MCPH1: variants seen among roughly 807,000 people sequenced by gnomAD.
MCPH1 encodes the protein microcephalin.
MCPH1 carries 104 observed loss-of-function variants against 84.5 expected under a neutral mutation model. The observed-to-expected ratio is 1.23, with a 90% CI of 1.05 to 1.45. The LOEUF (loss-of-function observed/expected upper bound fraction) is 1.45. Among genes scored for constraint, MCPH1 ranks in the 40% most tolerant of loss-of-function variants. The pLI is 0.00. For synonymous variants in MCPH1, 514 were observed against 366.8 expected, an observed-to-expected ratio of 1.40 and a Z score of -4.58; for missense variants, 1,498 against 1,005.7, an observed-to-expected ratio of 1.49 and a Z score of -6.62.
chr8:6,570,099 T>A (rs1159369116), intron 12 of MCPH1, among the ~76,000 whole-genome samples: 1 of 152,262 alleles, frequency 6.6e-6, no homozygotes, highest in Non-Finnish European at 1.5e-5. Context: ...CTACATACCC[T>A]TTCATTGTTT....
intron 12 of MCPH1, chr8:6,616,542 A>C (rs1454170039): frequency 6.6e-6 from 1 of 152,276 alleles, no homozygotes; most frequent in Non-Finnish European, 1.5e-5. Context: ...GGTTTAAGGC[A>C]AAGCTAATGT....
intron 12 of MCPH1, among the ~76,000 whole-genome samples, chr8:6,549,698 C>A (rs1041805767): frequency 1.3e-5 from 2 of 150,232 alleles, no homozygotes; most frequent in African/African-American, 4.9e-5. Flanking sequence ...TCGAGCTGGG[C>A]GGTCATTACA....
intron 1 of MCPH1, among the ~76,000 whole-genome samples, chr8:6,407,861 C>G (rs548689131): frequency 2.0e-4 from 31 of 152,194 alleles, no homozygotes; most frequent in African/African-American, 7.2e-4. Flanking sequence ...CTAAGAATGT[C>G]TTTTACATTT....
intron 12 of MCPH1, among the ~76,000 whole-genome samples, chr8:6,605,688 A>G (rs894618586): frequency 6.9e-6 from 1 of 144,850 alleles, no homozygotes; most frequent in Non-Finnish European, 1.5e-5. Flanking sequence ...TGAATCACAG[A>G]CATTATTTTT....
At chr8:6,482,387 C>A (rs1360833253) in intron 11 of MCPH1, among the ~76,000 whole-genome samples, 1 of 152,188 alleles carries the variant, frequency 6.6e-6, no homozygotes, top group Admixed American at 6.5e-5. Context: ...TTTTAGGCAT[C>A]CCCCAGGGGG....
intron 3 of MCPH1, among the ~76,000 whole-genome samples, chr8:6,416,409 C>T (rs1200331034): frequency 6.6e-6 from 1 of 152,128 alleles, no homozygotes; most frequent in Admixed American, 6.5e-5. Context: ...GAAAAGCTTT[C>T]AGTATTTCAT....
intron 13 of MCPH1, among the ~76,000 whole-genome samples, chr8:6,634,388 T>C (rs1044514665): frequency 1.1e-4 from 17 of 152,324 alleles, no homozygotes; most frequent in African/African-American, 3.1e-4. Flanking sequence ...CAAGTCTGTA[T>C]TGCTGATGAG....
intron 13 of MCPH1, among the ~76,000 whole-genome samples, chr8:6,642,406 C>A (rs1284407731): frequency 6.6e-6 from 1 of 152,126 alleles, no homozygotes; most frequent in East Asian, 1.9e-4. Context: ...CCAGGCGCAA[C>A]TTGTGATTTT....
chr8:6,456,621 C>A (rs544163489), intron 9 of MCPH1, among the ~76,000 whole-genome samples: 1 of 151,574 alleles, frequency 6.6e-6, no homozygotes, highest in African/African-American at 2.4e-5. Context: ...TGGTACCTCT[C>A]ATCTCTATTG....
chr8:6,583,129 C>A (rs998845888), intron 12 of MCPH1, among the ~76,000 whole-genome samples: 3 of 152,104 alleles, frequency 2.0e-5, no homozygotes, highest in Admixed American at 2.0e-4. Flanking sequence ...CAGCACAGTG[C>A]CTCGCTGAAT....
At position 6,621,562 on chromosome 8, in the gene MCPH1, C is replaced by T. The variant is rs747607937; in HGVS notation, c.2323C>T (p.Leu775Phe). 2 of 1,614,234 alleles carry T rather than the reference C, an allele frequency of 1.2e-6. No homozygotes were observed. The highest frequency in any genetic ancestry group is 1.1e-5 in the South Asian group (1 of 91,088). The change falls in exon 13 of 14, where the codon CTC becomes TTC. Residue 775 changes from leucine to phenylalanine, a missense_variant. Transcript: ENST00000344683. ...TGCCAGCAGCCCCCCAGTGGCCAAG[C>T]TCTGTGAACTAGTCCACCTGTGCGG... The part of the protein sequence containing the change: ...SPASSPPVAK[L>F]CELVHLCGGR...
intron 12 of MCPH1, chr8:6,502,893 T>C (rs1409756297): frequency 9.0e-6 from 5 of 555,154 alleles, no homozygotes; most frequent in African/African-American, 1.9e-5. Flanking sequence ...CAATTATGGA[T>C]GTTTAGGGTC....
intron 13 of MCPH1, chr8:6,642,658 A>C (rs1390472928): frequency 1.2e-5 from 5 of 413,772 alleles, no homozygotes; most frequent in African/African-American, 8.1e-5. Flanking sequence ...AAGATTAGAA[A>C]TTCTTGGCTC....
At chr8:6,639,015 C>T (rs2129583486) in intron 13 of MCPH1, among the ~76,000 whole-genome samples, 1 of 152,276 alleles carries the variant, frequency 6.6e-6, no homozygotes, top group South Asian at 2.1e-4. Flanking sequence ...CTAGAGCAGG[C>T]CATGAGAGGT....
intron 11 of MCPH1, among the ~76,000 whole-genome samples, chr8:6,493,630 A>C (rs990247352): frequency 3.3e-5 from 5 of 151,794 alleles, no homozygotes; most frequent in Admixed American, 6.6e-5. Context: ...GATCTTACTG[A>C]AGTGCAGATC....
chr8:6,462,759 C>T (rs1298627212), intron 9 of MCPH1, among the ~76,000 whole-genome samples: 1 of 152,176 alleles, frequency 6.6e-6, no homozygotes, highest in African/African-American at 2.4e-5. Flanking sequence ...CCAGTCTCCT[C>T]AAAGGGTTTG....
intron 1 of MCPH1, among the ~76,000 whole-genome samples, chr8:6,408,891 CTTTTTT>C (rs112280128): frequency 3.4e-4 from 26 of 77,236 alleles, no homozygotes; most frequent in East Asian, 1.2e-3. Context: ...TTACTTTTTT[CTTTTTT>C]TTTTTTTGAA....
Position 6,643,126 on chromosome 8 carries a change from T to G in MCPH1, c.*77T>G. On this transcript the variant is annotated 3_prime_UTR_variant, in exon 14 of 14. Coordinates refer to ENST00000344683, the MANE Select transcript of MCPH1 (RefSeq NM_024596.5). ...TGGATGTTCAAATGAGAAACAAAAC[T>G]GTGAAGAGAAGGAACTGGCGTATAC... 2 of 1,288,594 alleles carry G rather than the reference T, an allele frequency of 1.6e-6. No homozygotes were observed. Among genetic ancestry groups the G allele is most frequent in the East Asian group, 2.3e-5 (1 of 43,322 alleles). The allele number at this position is 1,288,594 out of a possible 1,614,324, so 79.8% of individuals were successfully genotyped here.
chr8:6,598,668 G>A (rs1586752323), intron 12 of MCPH1, among the ~76,000 whole-genome samples: 1 of 152,364 alleles, frequency 6.6e-6, no homozygotes, highest in East Asian at 1.9e-4. Context: ...TCTCGTGTGA[G>A]CCGGCGGGCG....
Sources: allele counts gnomAD v4.1 joint callset (sites outside exome capture counted in the v4.1 genomes callset), GRCh38; gene constraint gnomAD v4.1.1; transcripts MANE v1.5; gene names NCBI Gene and HGNC (gene_info 2026-07-23, HGNC 2026-07-21).